The following SPTBN2 variants were observed in gnomAD, a reference collection of about 807,000 sequenced individuals.
SPTBN2 encodes spectrin beta chain, non-erythrocytic 2.
Under a neutral mutation model 284.2 loss-of-function variants are expected in SPTBN2, and 107 were observed. The ratio of observed to expected loss-of-function variants is 0.38; its 90% CI spans 0.32 to 0.44. The LOEUF (loss-of-function observed/expected upper bound fraction) is 0.44, where lower values mean the gene tolerates loss of function less well. Ranked by LOEUF, SPTBN2 falls within the 20% of genes least tolerant of loss-of-function variation. The pLI is 1.00. For missense variants in SPTBN2, 2,569 were observed against 3,287.1 expected (o/e 0.78, Z 5.34); for synonymous variants, 1,289 against 1,354.8 (o/e 0.95, Z 1.07).
rs753828979 is a variant in SPTBN2, at chr11:66,690,154, G to A, written c.5695C>T (p.Arg1899Cys). The change falls in exon 28 of 38, where the codon CGC becomes TGC. Residue 1899 changes from arginine to cysteine, a missense_variant. By Grantham distance (180) the Arg-to-Cys change is radical. This residue lies in a region of SPTBN2 where 1,130 missense variants were observed against 1,317.3 expected (regional missense o/e 0.86). Coordinates refer to ENST00000533211, the MANE Select transcript of SPTBN2 (RefSeq NM_006946.4). ...GTGGTGTCCAGCAGCAGCTGCCGGC[G>A]GGCGGCAGAGCTTCCCTGAAGCTGG... ...WAQLQGSSAA[R>C]RQLLLDTTDK... 56 of 1,614,042 alleles carry A rather than the reference G, an allele frequency of 3.5e-5. No individual in the cohort carries two copies. In the South Asian group the frequency reaches 4.7e-4, roughly 14 times the overall value.
In SPTBN2 at chr11:66,704,461, G is replaced by C. The variant is rs555120850; in HGVS notation, c.2678+137C>G. ...CTTGTGAGTATGGTTAACATTTTTT[G>C]TTAAAACTAGAAATGGACAACCATT... is the stretch of plus-strand genomic sequence containing the variant. On this transcript the variant is annotated intron_variant, in intron 15 of 37. Transcript: ENST00000533211. 1.2e-5 allele frequency: 13 copies of C among 1,084,064 alleles called. No individual in the cohort carries two copies. In the South Asian group the frequency reaches 2.1e-4, roughly 18 times the overall value. The allele number at this position is 1,084,064 out of a possible 1,614,324, so 67.2% of individuals were successfully genotyped here.
At chr11:66,713,971 G>A (rs905441569) in intron 7 of SPTBN2, 120 bp downstream of exon 7, 37 of 1,102,842 alleles carry the variant, frequency 3.4e-5, no homozygotes, top group South Asian at 2.5e-5. Context: ...GTTCTGCTCC[G>A]AGTGCTATTC....
At chr11:66,688,938 A>G (rs1565111973) in intron 30 of SPTBN2, 89 bp from the exon 31 acceptor site, 2 of 1,539,136 alleles carry the variant, frequency 1.3e-6, no homozygotes, top group Non-Finnish European at 1.8e-6. Flanking sequence ...GAACAGGGAC[A>G]CAGAGAAAGC....
In SPTBN2 at chr11:66,690,451, C is replaced by T. The variant is rs544042981; in HGVS notation, c.5566-168G>A. 4 of 921,638 alleles carry T rather than the reference C, an allele frequency of 4.3e-6. 1 individual carries two copies. The South Asian group carries it at 5.3e-5, about 12-fold the overall frequency. The allele number at this position is 921,638 out of a possible 1,614,324, so 57.1% of individuals were successfully genotyped here. ...GAAAGATGAAGGCAGGGGCTGGCCA[C>T]ACTCTGCCCTGTTGGGTCTCATCTA... On this transcript the variant is annotated intron_variant, in intron 27 of 37. Transcript: ENST00000533211.
intron 8 of SPTBN2, among the ~76,000 whole-genome samples, chr11:66,713,173 T>G (rs1419980558): frequency 6.6e-6 from 1 of 151,726 alleles, no homozygotes; most frequent in African/African-American, 2.4e-5. Context: ...AGTCCAGGGC[T>G]CTTTCTGTCA....
intron 3 of SPTBN2, among the ~76,000 whole-genome samples, chr11:66,719,003 C>T (rs1226087641): frequency 1.3e-5 from 2 of 152,242 alleles, no homozygotes; most frequent in East Asian, 1.9e-4. Context: ...ACAGGACCCA[C>T]GAGAGGGGCC....
chr11:66,706,742 G>A (rs1941582336), intron 13 of SPTBN2, among the ~76,000 whole-genome samples: 1 of 150,208 alleles, frequency 6.7e-6, no homozygotes, highest in Admixed American at 6.7e-5. Flanking sequence ...CGATTCTGCT[G>A]TCTCAGCCTC....
In SPTBN2 at chr11:66,715,794, A is replaced by G. The variant is rs12805133; in HGVS notation, c.309+36T>C. The G allele has an allele frequency of 0.46, 742,964 of 1,609,458 alleles. 175,551 individuals are homozygous for G. The highest frequency in any genetic ancestry group is 0.64 in the Admixed American group (38,090 of 59,362). On this transcript the variant is annotated intron_variant, in intron 4 of 37. Transcript: ENST00000533211. This position sits in a 1 kb window ranked among gnomAD's most constrained non-coding sequence, Gnocchi z 5.3. ...AGCTGGTCCCCTTGGACACTTTTCT[A>G]AGGCCCCCCCACTTCCCTTCATGAC...
At chr11:66,725,737 A>T (rs1443434614) in intron 1 of SPTBN2, among the ~76,000 whole-genome samples, 2 of 152,220 alleles carry the variant, frequency 1.3e-5, no homozygotes, top group African/African-American at 4.8e-5. Context: ...CGCCGGCTGC[A>T]GGCTTGGGGT....
chr11:66,735,412 A>G (rs1206958484), intron 1 of SPTBN2, among the ~76,000 whole-genome samples: 1 of 151,956 alleles, frequency 6.6e-6, no homozygotes, highest in Non-Finnish European at 1.5e-5. Flanking sequence ...TGAGTTTAAA[A>G]CTTGCAACGA....
chr11:66,693,920 G>A lies in SPTBN2; in HGVS notation c.4504-59C>T. ...GAGGGCAAGGCAAGCAGCAGGGACT[G>A]ATTAGTGGGAGTGGGGACACCTGGG... On this transcript the variant is annotated intron_variant, in intron 22 of 37. Coordinates refer to ENST00000533211, the MANE Select transcript of SPTBN2 (RefSeq NM_006946.4). The surrounding 1 kb of genome is among the most constrained non-coding windows in gnomAD (Gnocchi z 5.7). 1 of 1,532,262 alleles carries A rather than the reference G, an allele frequency of 6.5e-7. No homozygotes were observed. Among genetic ancestry groups the A allele is most frequent in the South Asian group, 1.1e-5 (1 of 87,342 alleles). 94.9% of individuals were successfully genotyped at this position (1,532,262 alleles called of 1,614,324 possible).
chr11:66,685,790 G>T lies in SPTBN2; in HGVS notation c.*81C>A. ...GACCCTAGCAGCAGGCAGTTGTCCT[G>T]ACAAGAGGGCGGTCCCTGTCGACTG... is the stretch of plus-strand genomic sequence containing the variant. On this transcript the variant is annotated 3_prime_UTR_variant, in exon 38 of 38. Coordinates refer to ENST00000533211, the MANE Select transcript of SPTBN2 (RefSeq NM_006946.4). This position sits in a 1 kb window ranked among gnomAD's most constrained non-coding sequence, Gnocchi z 4.4. 7.2e-7 allele frequency: 1 copy of T among 1,387,238 alleles called. No homozygotes were observed. Among genetic ancestry groups the T allele is most frequent in the Non-Finnish European group, 1.0e-6 (1 of 979,426 alleles). 85.9% of individuals were successfully genotyped at this position (1,387,238 alleles called of 1,614,324 possible).
Position 66,683,557 on chromosome 11 carries a change from C to G in SPTBN2, c.*2314G>C, listed in dbSNP as rs1309050015. ...CTTAATTCCTGACACTATGCTTCCCCTCTTCTATGTCCTGTTCTTAAGGAA... is the reference window on the plus strand; with the variant it reads ...CTTAATTCCTGACACTATGCTTCCCGTCTTCTATGTCCTGTTCTTAAGGAA... On this transcript the variant is annotated 3_prime_UTR_variant, in exon 38 of 38. Transcript: ENST00000533211. Among the ~76,000 whole-genome samples, 1 of 152,206 alleles carries G rather than the reference C, an allele frequency of 6.6e-6. No individual in the cohort carries two copies. Among genetic ancestry groups the G allele is most frequent in the Non-Finnish European group, 1.5e-5 (1 of 68,042 alleles).
Position 66,687,266 on chromosome 11 carries a change from G to A in SPTBN2, c.6723-99C>T. ...ACTTCCAGTTCTGCTCCCATCTTTA[G>A]GCCACGGTCTTCACACCCTCTGGTC... On this transcript the variant is annotated intron_variant, in intron 35 of 37. Coordinates refer to ENST00000533211, the MANE Select transcript of SPTBN2 (RefSeq NM_006946.4). This position sits in a 1 kb window ranked among gnomAD's most constrained non-coding sequence, Gnocchi z 5.2. The A allele has an allele frequency of 6.3e-7, 1 of 1,575,284 alleles. No individual in the cohort carries two copies. The highest frequency in any genetic ancestry group is 8.6e-7 in the Non-Finnish European group (1 of 1,162,934).
At chr11:66,711,202 T>G (rs940151069) in intron 8 of SPTBN2, among the ~76,000 whole-genome samples, 173 bp from the exon 9 acceptor site, 2 of 152,116 alleles carry the variant, frequency 1.3e-5, no homozygotes, top group Admixed American at 1.3e-4. Flanking sequence ...AAAGCTCATC[T>G]TTTTTTCCCC....
intron 20 of SPTBN2, among the ~76,000 whole-genome samples, chr11:66,697,860 G>A (rs1344943175): frequency 6.6e-6 from 1 of 152,110 alleles, no homozygotes; most frequent in African/African-American, 2.4e-5. Context: ...ACAATGCTTT[G>A]GATATAGTAG....
chr11:66,685,949 C>T lies in SPTBN2; in HGVS notation c.7095G>A (p.Gly2365=). The change falls in exon 38 of 38, where the codon GGG becomes GGA. Residue 2365 remains glycine, a synonymous_variant. Coordinates refer to ENST00000533211, the MANE Select transcript of SPTBN2 (RefSeq NM_006946.4). This position sits in a 1 kb window ranked among gnomAD's most constrained non-coding sequence, Gnocchi z 4.4. ...MPPVSPVGAE[G]PVVLRSKDGR... ...CGTCTTTGCTGCGGAGCACAACAGG[C>T]CCCTCAGCCCCGACGGGTGACACTG... 2 of 1,613,892 alleles carry T rather than the reference C, an allele frequency of 1.2e-6. No homozygotes were observed. The highest frequency in any genetic ancestry group is 1.1e-5 in the South Asian group (1 of 91,076).
chr11:66,690,266 G>T lies in SPTBN2; in HGVS notation c.5583C>A (p.Asp1861Glu). Residue 1861 changes from aspartate to glutamate, a missense_variant, in exon 28 of 38, where the codon GAC becomes GAA. Asp to Glu is a conservative substitution (Grantham distance 45). This residue lies in a region of SPTBN2 where 1,130 missense variants were observed against 1,317.3 expected (regional missense o/e 0.86). Coordinates refer to ENST00000533211, the MANE Select transcript of SPTBN2 (RefSeq NM_006946.4). ...ALSPQVQQVQ[D>E]DGHRLQKAYA... ...AGGCCTTCTGGAGCCGGTGGCCGTC[G>T]TCCTGCACCTGCTGGACCTGCGGAG... 6.2e-7 allele frequency: 1 copy of T among 1,610,048 alleles called. No homozygotes were observed. Among genetic ancestry groups the T allele is most frequent in the Non-Finnish European group, 8.5e-7 (1 of 1,178,438 alleles).
chr11:66,690,312 G>C, intron 27 of SPTBN2, 29 bp from the exon 28 acceptor site: 1 of 1,572,704 alleles, frequency 6.4e-7, no homozygotes, highest in Non-Finnish European at 8.6e-7. Context: ...GAGTCAGGCA[G>C]AGCGGGGGAC....
Sources: allele counts gnomAD v4.1 joint callset (sites outside exome capture counted in the v4.1 genomes callset), GRCh38; gene constraint gnomAD v4.1.1; regional missense constraint gnomAD v4.1.1; non-coding constraint Gnocchi (gnomAD v3.1); transcripts MANE v1.5; gene names NCBI Gene and HGNC (gene_info 2026-07-23, HGNC 2026-07-21).